Variants in CDH13 observed in about 807,000 individuals in gnomAD.
CDH13 encodes cadherin 13.
In CDH13, 24 loss-of-function variants were observed where a neutral mutation model predicts 63.8. The ratio of observed to expected loss-of-function variants is 0.38; its 90% CI spans 0.27 to 0.53. CDH13 has a LOEUF of 0.53. Among genes scored for constraint, CDH13 ranks in the 20% least tolerant of loss-of-function variants. The pLI, the probability that CDH13 is intolerant of heterozygous loss-of-function variation, is 0.85. For missense variants in CDH13, 1,049 were observed against 903.1 expected (o/e 1.16, Z -2.07); for synonymous variants, 503 against 355.3 (o/e 1.42, Z -4.67).
At chr16:83,454,228 C>A (rs986431731) in intron 6 of CDH13, among the ~76,000 whole-genome samples, 1 of 152,172 alleles carries the variant, frequency 6.6e-6, no homozygotes, top group Non-Finnish European at 1.5e-5. Context: ...AACCAGAAGA[C>A]GTCTTTAAAT....
intron 2 of CDH13, among the ~76,000 whole-genome samples, chr16:83,002,968 C>G (rs1028372872): frequency 1.3e-5 from 2 of 152,170 alleles, no homozygotes; most frequent in African/African-American, 4.8e-5. Flanking sequence ...TTACGACATT[C>G]TTGCAAAAGC....
intron 6 of CDH13, among the ~76,000 whole-genome samples, chr16:83,427,518 T>C (rs190798445): frequency 6.6e-6 from 1 of 152,290 alleles, no homozygotes; most frequent in East Asian, 1.9e-4. Flanking sequence ...CCCATGAGAC[T>C]GATCTCCAAC....
chr16:83,379,006 T>TATACACAC (rs540642910), intron 6 of CDH13, among the ~76,000 whole-genome samples: 2 of 148,926 alleles, frequency 1.3e-5, no homozygotes, highest in African/African-American at 2.5e-5. Context: ...TATATATATA[T>TATACACAC]ACACACACAC....
intron 5 of CDH13, among the ~76,000 whole-genome samples, chr16:83,236,860 T>A (rs749379602): frequency 6.6e-6 from 1 of 152,120 alleles, no homozygotes; most frequent in Middle Eastern, 3.4e-3. Flanking sequence ...CCCTTTGAAG[T>A]CATGGAAATG....
intron 10 of CDH13, chr16:83,735,994 C>G (rs1284739840): frequency 6.6e-6 from 1 of 152,152 alleles, no homozygotes; most frequent in Non-Finnish European, 1.5e-5. Context: ...GAGCCTCACA[C>G]CAAGTAAAGC....
chr16:83,040,347 A>G (rs1164487920), intron 3 of CDH13, among the ~76,000 whole-genome samples: 2 of 152,210 alleles, frequency 1.3e-5, no homozygotes, highest in African/African-American at 4.8e-5. Flanking sequence ...GTAAAGTCCC[A>G]TCGTAGGCCA....
At chr16:82,722,493 C>T (rs980002353) in intron 1 of CDH13, among the ~76,000 whole-genome samples, 1 of 152,162 alleles carries the variant, frequency 6.6e-6, no homozygotes, top group South Asian at 2.1e-4. Flanking sequence ...CCCATGAACA[C>T]GGTACAGGTA....
At chr16:83,392,272 T>G (rs1330583738) in intron 6 of CDH13, among the ~76,000 whole-genome samples, 1 of 152,228 alleles carries the variant, frequency 6.6e-6, no homozygotes, top group Non-Finnish European at 1.5e-5. Flanking sequence ...TGGAGGAGGT[T>G]AAATAACAGC....
chr16:82,687,433 A>C (rs1398461494), intron 1 of CDH13, among the ~76,000 whole-genome samples: 3 of 152,130 alleles, frequency 2.0e-5, no homozygotes, highest in African/African-American at 7.2e-5. Context: ...TAATAAAGGC[A>C]AGTGGTTTAA....
chr16:83,206,334 G>A (rs2039180326), intron 4 of CDH13, among the ~76,000 whole-genome samples: 1 of 152,184 alleles, frequency 6.6e-6, no homozygotes, highest in African/African-American at 2.4e-5. Context: ...ATCTCATGAA[G>A]GTTCATATTG....
chr16:83,100,750 C>G (rs989224726), intron 3 of CDH13, among the ~76,000 whole-genome samples: 1 of 152,194 alleles, frequency 6.6e-6, no homozygotes, highest in Non-Finnish European at 1.5e-5. Flanking sequence ...TATGTTCGTG[C>G]AAGTTACAAA....
At chr16:83,174,886 C>G (rs530122001) in intron 4 of CDH13, among the ~76,000 whole-genome samples, 1 of 152,014 alleles carries the variant, frequency 6.6e-6, no homozygotes, top group Non-Finnish European at 1.5e-5. Context: ...CACTTTTAAA[C>G]CATCAGATGT....
intron 5 of CDH13, among the ~76,000 whole-genome samples, chr16:83,232,188 C>T (rs932055709): frequency 5.6e-5 from 8 of 143,234 alleles, no homozygotes; most frequent in Non-Finnish European, 1.2e-4. Context: ...GCCCTTGTAC[C>T]CTTGAAATTA....
At chr16:83,171,542 G>T (rs975383479) in intron 4 of CDH13, 9 of 1,534,486 alleles carry the variant, frequency 5.9e-6, no homozygotes, top group African/African-American at 2.7e-5. Flanking sequence ...GGCAAGTTCT[G>T]TGCCTAGCAC....
chr16:82,818,154 T>G (rs2037817580), intron 1 of CDH13, among the ~76,000 whole-genome samples: 1 of 147,540 alleles, frequency 6.8e-6, no homozygotes. Flanking sequence ...GGAAGACTAA[T>G]TACTCCAGGA....
chr16:83,527,070 G>C (rs1156686213), intron 7 of CDH13, among the ~76,000 whole-genome samples: 1 of 151,906 alleles, frequency 6.6e-6, no homozygotes, highest in African/African-American at 2.4e-5. Context: ...GGCGGAGGCT[G>C]CTGTAAGCCG....
chr16:83,313,198 A>G (rs535925246), intron 5 of CDH13, among the ~76,000 whole-genome samples: 1 of 152,352 alleles, frequency 6.6e-6, no homozygotes, highest in East Asian at 1.9e-4. Flanking sequence ...TGAATAAATG[A>G]CAGCCCTTTC....
At chr16:83,375,773 AAG>A (rs964701044) in intron 6 of CDH13, among the ~76,000 whole-genome samples, 60 of 152,138 alleles carry the variant, frequency 3.9e-4, no homozygotes, top group African/African-American at 1.4e-3. Flanking sequence ...TTGTTGCAGG[AAG>A]AATGAACCTG....
intron 11 of CDH13, among the ~76,000 whole-genome samples, chr16:83,750,699 G>A (rs1193998410): frequency 6.6e-6 from 1 of 152,186 alleles, no homozygotes; most frequent in African/African-American, 2.4e-5. Context: ...AAGTCAAGGA[G>A]TTCCAAAGAT....
Sources: gnomAD v4.1 joint callset for allele counts (sites outside exome capture counted in the v4.1 genomes callset) on GRCh38, gnomAD v4.1.1 for gene constraint, MANE v1.5 for transcripts, NCBI Gene and HGNC (gene_info 2026-07-23, HGNC 2026-07-21) for gene names.